Variants in NIPAL3 observed in about 807,000 individuals in gnomAD.
The protein encoded by NIPAL3 is NIPA like domain containing 3.
A neutral mutation model predicts 47.2 loss-of-function variants in NIPAL3; 41 were observed. The observed-to-expected ratio is 0.87, with a 90% CI of 0.68 to 1.13. The LOEUF (loss-of-function observed/expected upper bound fraction) is 1.13. NIPAL3 is among the 50% of genes most tolerant of loss of function. The pLI, the probability that NIPAL3 is intolerant of heterozygous loss-of-function variation, is 0.00. For missense variants in NIPAL3, 449 were observed against 530.1 expected (o/e 0.85, Z 1.50); for synonymous variants, 194 against 209.6 (o/e 0.93, Z 0.64).
chr1:24,439,058 G>A (rs1645257530), intron 2 of NIPAL3, among the ~76,000 whole-genome samples: 1 of 152,042 alleles, frequency 6.6e-6, no homozygotes, highest in Non-Finnish European at 1.5e-5. Context: ...AGGGGTGGGG[G>A]TGAGAGTTGA....
rs569610052 is a variant in NIPAL3, at chr1:24,426,234, C to T, written c.93+6594C>T. The stretch of plus-strand genomic sequence containing the variant: ...AGCATGGGTAGAGTGACCGTGGTCC[C>T]GGTTTGTGCCTTATGCCTGTGTATG... On this transcript the variant is annotated intron_variant, in intron 2 of 11. Coordinates refer to ENST00000374399, the MANE Select transcript of NIPAL3 (RefSeq NM_020448.5). 8.5e-5 allele frequency among the ~76,000 whole-genome samples: 13 copies of T among 152,072 alleles called. No homozygotes were observed. The South Asian group carries it at 1.2e-3, about 15-fold the overall frequency.
intron 2 of NIPAL3, among the ~76,000 whole-genome samples, chr1:24,431,949 C>T (rs985690936): frequency 4.0e-5 from 6 of 151,724 alleles, no homozygotes; most frequent in South Asian, 2.1e-4. Context: ...AGGTCCCTGT[C>T]ACGTAGAGTA....
chr1:24,443,949 TAA>T (rs1001363173), intron 4 of NIPAL3, among the ~76,000 whole-genome samples: 63 of 152,236 alleles, frequency 4.1e-4, no homozygotes, highest in African/African-American at 1.4e-3. Context: ...CAATGAGAAA[TAA>T]GTGTCTAAGT....
At chr1:24,452,382 G>A (rs943749672) in intron 6 of NIPAL3, among the ~76,000 whole-genome samples, 2 of 152,204 alleles carry the variant, frequency 1.3e-5, no homozygotes, top group African/African-American at 4.8e-5. Flanking sequence ...CGCCATCGTG[G>A]TAGTACCTGC....
intron 8 of NIPAL3, chr1:24,457,612 C>T: frequency 5.1e-6 from 2 of 391,766 alleles, no homozygotes; most frequent in Admixed American, 3.4e-5. Flanking sequence ...CCCCATTTTG[C>T]ATACGAGGAA....
At chr1:24,455,385 G>C (rs192254804) in intron 7 of NIPAL3, among the ~76,000 whole-genome samples, 7 of 152,286 alleles carry the variant, frequency 4.6e-5, no homozygotes, top group Non-Finnish European at 8.8e-5. Flanking sequence ...TTATATTCCT[G>C]TACAAATTTT....
chr1:24,438,896 A>G (rs576956189), intron 2 of NIPAL3, among the ~76,000 whole-genome samples: 1 of 152,188 alleles, frequency 6.6e-6, no homozygotes, highest in East Asian at 1.9e-4. Flanking sequence ...TTTAAATGCT[A>G]GTACACTTTG....
chr1:24,455,201 C>T (rs1646138338), intron 7 of NIPAL3, among the ~76,000 whole-genome samples: 2 of 152,306 alleles, frequency 1.3e-5, no homozygotes, highest in African/African-American at 2.4e-5. Context: ...CTGGACCACG[C>T]TTGGGGGCTG....
chr1:24,450,956 C>T (rs563863967), intron 6 of NIPAL3, among the ~76,000 whole-genome samples: 61 of 152,358 alleles, frequency 4.0e-4, no homozygotes, highest in African/African-American at 1.3e-3. Context: ...AGCAAAAGAC[C>T]GCCTCCTTGG....
chr1:24,415,779 C>T, upstream of NIPAL3: 1 of 943,182 alleles, frequency 1.1e-6, no homozygotes, highest in Middle Eastern at 5.4e-4. Context: ...GAAAGCAAAA[C>T]ACTGCAGCAT....
chr1:24,454,107 G>T lies in NIPAL3; in HGVS notation c.637+603G>T. The T allele has an allele frequency of 1.9e-6, 2 of 1,053,474 alleles. No individual in the cohort carries two copies. Among genetic ancestry groups the T allele is most frequent in the Non-Finnish European group, 2.6e-6 (2 of 782,484 alleles). 65.3% of individuals were successfully genotyped at this position (1,053,474 alleles called of 1,614,324 possible). ...AGTGGTACAATCTTAGCTCTCTGCA[G>T]CCTTGACCTCCTGGCCTCAAGTGAT... On this transcript the variant is annotated intron_variant, in intron 7 of 11. Transcript: ENST00000374399. This position sits in a 1 kb window ranked among gnomAD's most constrained non-coding sequence, Gnocchi z 4.1.
At chr1:24,432,621 G>A (rs1644927410) in intron 2 of NIPAL3, among the ~76,000 whole-genome samples, 1 of 152,142 alleles carries the variant, frequency 6.6e-6, no homozygotes, top group African/African-American at 2.4e-5. Context: ...GACTACCTGG[G>A]TTCCCATCCT....
At chr1:24,455,307 G>A (rs1174991106) in intron 7 of NIPAL3, among the ~76,000 whole-genome samples, 1 of 152,202 alleles carries the variant, frequency 6.6e-6, no homozygotes, top group Non-Finnish European at 1.5e-5. Context: ...AGGGAGGTGA[G>A]CAGGATGCTT....
At chr1:24,444,802 T>C (rs111550641) in intron 4 of NIPAL3, among the ~76,000 whole-genome samples, 50 of 152,222 alleles carry the variant, frequency 3.3e-4, no homozygotes, top group African/African-American at 1.2e-3. Context: ...TGGGTTCAAG[T>C]CTTGCCTTCC....
chr1:24,417,078 T>C (rs1644084493), intron 1 of NIPAL3: 1 of 152,186 alleles, frequency 6.6e-6, no homozygotes, highest in African/African-American at 2.4e-5. Context: ...TCTGGAGTTG[T>C]GGTTGATTAG....
At position 24,442,157 on chromosome 1, in the gene NIPAL3, G is replaced by T; in HGVS notation, c.265G>T (p.Gly89Cys). The T allele has an allele frequency of 6.2e-7, 1 of 1,614,144 alleles. No individual in the cohort carries two copies. The highest frequency in any genetic ancestry group is 8.5e-7 in the Non-Finnish European group (1 of 1,180,024). ...GTTCCTGATGCTTCTGGGCGAGCTG[G>T]GTGTGTTCGCCTCCTACGCCTTCGC... The part of the protein sequence containing the change: ...GLFLMLLGEL[G>C]VFASYAFAPL... Residue 89 changes from glycine (G) to cysteine (C), a missense_variant, in exon 4 of 12, where the codon GGT becomes TGT. Coordinates refer to ENST00000374399, the MANE Select transcript of NIPAL3 (RefSeq NM_020448.5).
chr1:24,464,199 A>C, intron 11 of NIPAL3, 79 bp downstream of exon 11: 1 of 1,066,148 alleles, frequency 9.4e-7, no homozygotes, highest in Non-Finnish European at 1.4e-6. Context: ...GAGACAACCA[A>C]CTGCTGTGCT....
chr1:24,463,213 G>A (rs1646555118), intron 10 of NIPAL3, among the ~76,000 whole-genome samples: 1 of 151,814 alleles, frequency 6.6e-6, no homozygotes, highest in African/African-American at 2.4e-5. Flanking sequence ...AAATAAAAAA[G>A]GAAGATGAAT....
intron 5 of NIPAL3, 128 bp downstream of exon 5, chr1:24,445,372 T>C: frequency 1.6e-6 from 1 of 607,892 alleles, no homozygotes; most frequent in East Asian, 3.0e-5. Flanking sequence ...TGTTCTGCCC[T>C]CAACAGGCTC....
Sources: allele counts gnomAD v4.1 joint callset (sites outside exome capture counted in the v4.1 genomes callset), GRCh38; gene constraint gnomAD v4.1.1; non-coding constraint Gnocchi (gnomAD v3.1); transcripts MANE v1.5; gene names NCBI Gene and HGNC (gene_info 2026-07-23, HGNC 2026-07-21).